ANAPC10: variants seen among roughly 807,000 people sequenced by gnomAD.
ANAPC10 encodes anaphase-promoting complex subunit 10.
A neutral mutation model predicts 22.0 loss-of-function variants in ANAPC10; 12 were observed. The observed-to-expected ratio is 0.55, with a 90% CI of 0.35 to 0.88. The LOEUF (loss-of-function observed/expected upper bound fraction) is 0.88. Among genes scored for constraint, ANAPC10 ranks in the 40% least tolerant of loss-of-function variants. ANAPC10 has a pLI of 0.01. For synonymous variants in ANAPC10, 65 were observed against 69.5 expected (o/e 0.94, Z 0.32); for missense variants, 188 against 220.9 (o/e 0.85, Z 0.94).
At position 145,082,618 on chromosome 4, in the gene ANAPC10, G is replaced by A. The variant is rs138243568; in HGVS notation, c.116-868C>T. 1.5e-3 allele frequency among the ~76,000 whole-genome samples: 227 copies of A among 152,184 alleles called. 1 individual carries two copies. Among genetic ancestry groups the A allele is most frequent in the African/African-American group, 5.1e-3 (212 of 41,528 alleles). On this transcript the variant is annotated intron_variant, in intron 2 of 4. Coordinates refer to ENST00000507656, the MANE Select transcript of ANAPC10 (RefSeq NM_001256706.2). ...AAGATGACTTAAAATATTTTCAAAA[G>A]GCATATATATTCTGAAGCCAAATGC...
Position 145,095,363 on chromosome 4 carries a change from A to T in ANAPC10, c.115+622T>A, listed in dbSNP as rs114454417. ...CTGCTCCATCCCACCCAAGACATAA[A>T]TCATCACTTTGTCCAGCACATCCAC... On this transcript the variant is annotated intron_variant, in intron 2 of 4. Coordinates refer to ENST00000507656, the MANE Select transcript of ANAPC10 (RefSeq NM_001256706.2). 2.9e-3 allele frequency among the ~76,000 whole-genome samples: 447 copies of T among 152,248 alleles called. 2 individuals are homozygous for T. Among genetic ancestry groups the T allele is most frequent in the African/African-American group, 0.01 (418 of 41,528 alleles).
intron 4 of ANAPC10, among the ~76,000 whole-genome samples, chr4:145,022,496 G>C (rs1014320015): frequency 3.3e-5 from 5 of 151,936 alleles, no homozygotes; most frequent in African/African-American, 1.2e-4. Context: ...TGATACAATG[G>C]ACTTTGGGGA....
chr4:145,078,861 T>C (rs983608179), intron 3 of ANAPC10, among the ~76,000 whole-genome samples: 1 of 152,144 alleles, frequency 6.6e-6, no homozygotes. Context: ...CCTTTCACCA[T>C]ATACAAAAAT....
chr4:145,079,406 G>T (rs563865117), intron 3 of ANAPC10, among the ~76,000 whole-genome samples: 44 of 152,162 alleles, frequency 2.9e-4, no homozygotes, highest in Admixed American at 1.4e-3. Context: ...GTGAAAAAAA[G>T]GGAATACTTA....
intron 3 of ANAPC10, among the ~76,000 whole-genome samples, chr4:145,077,448 A>T (rs909334388): frequency 3.3e-5 from 5 of 152,118 alleles, no homozygotes; most frequent in African/African-American, 1.2e-4. Flanking sequence ...AGAGTATATG[A>T]AAGAGCTGGT....
intron 4 of ANAPC10, among the ~76,000 whole-genome samples, chr4:145,055,655 C>CAA (rs35574779): frequency 6.6e-6 from 1 of 151,636 alleles, no homozygotes; most frequent in Non-Finnish European, 1.5e-5. Flanking sequence ...GTAAGCTAGT[C>CAA]AAAAAAGGAC....
intron 4 of ANAPC10, among the ~76,000 whole-genome samples, chr4:145,015,640 G>C (rs975012376): frequency 1.3e-5 from 2 of 152,114 alleles, no homozygotes; most frequent in South Asian, 4.1e-4. Flanking sequence ...ACTGTCATCA[G>C]GTAATGTAAA....
At position 145,036,965 on chromosome 4, in the gene ANAPC10, A is replaced by G. The variant is rs141078468; in HGVS notation, c.327+27607T>C. Among the ~76,000 whole-genome samples the G allele has an allele frequency of 2.5e-3, 372 of 151,008 alleles. 1 individual carries two copies. The highest frequency in any genetic ancestry group is 8.8e-3 in the African/African-American group (362 of 41,076). Reference sequence around the variant, plus strand: ...TTGTGACAGGAACTGAGATACTCATAATGTTCTATTTCTTATACCAAATAG... The same window carrying G: ...TTGTGACAGGAACTGAGATACTCATGATGTTCTATTTCTTATACCAAATAG... On this transcript the variant is annotated intron_variant, in intron 4 of 4. Transcript: ENST00000507656.
At chr4:145,054,600 G>A (rs1162995705) in intron 4 of ANAPC10, among the ~76,000 whole-genome samples, 2 of 122,728 alleles carry the variant, frequency 1.6e-5, no homozygotes, top group Non-Finnish European at 3.3e-5. Context: ...GGGACATACT[G>A]AATAGTGTGT....
intron 2 of ANAPC10, among the ~76,000 whole-genome samples, chr4:145,095,110 T>C (rs958512709): frequency 1.3e-5 from 2 of 151,470 alleles, no homozygotes; most frequent in Non-Finnish European, 2.9e-5. Flanking sequence ...AGATATATGA[T>C]AAAAAAAAAT....
intron 4 of ANAPC10, among the ~76,000 whole-genome samples, chr4:145,039,406 G>A (rs1739154869): frequency 1.3e-5 from 2 of 152,180 alleles, no homozygotes; most frequent in South Asian, 4.1e-4. Flanking sequence ...GAATTATATA[G>A]GAGTGGATGA....
intron 3 of ANAPC10, among the ~76,000 whole-genome samples, chr4:145,077,130 C>T (rs1437649897): frequency 2.6e-5 from 4 of 151,948 alleles, no homozygotes; most frequent in South Asian, 2.1e-4. Flanking sequence ...AACCGGGAGG[C>T]GGAGCTTGCA....
intron 4 of ANAPC10, among the ~76,000 whole-genome samples, chr4:145,026,945 A>ATATATATATATATATATG (rs1287102797): frequency 1.2e-3 from 20 of 17,148 alleles, no homozygotes; most frequent in Non-Finnish European, 2.0e-3. Flanking sequence ...ATATATATAT[A>ATATATATATATATATATG]TGTGTGTGTG....
Position 145,025,553 on chromosome 4 carries a change from G to A in ANAPC10, c.328-29950C>T, listed in dbSNP as rs145400873. Among the ~76,000 whole-genome samples the A allele has an allele frequency of 7.9e-5, 12 of 152,234 alleles. No individual in the cohort carries two copies. The East Asian group carries it at 1.6e-3, about 20-fold the overall frequency. On this transcript the variant is annotated intron_variant, in intron 4 of 4. Coordinates refer to ENST00000507656, the MANE Select transcript of ANAPC10 (RefSeq NM_001256706.2). The stretch of plus-strand genomic sequence containing the variant: ...AGTAGTCAGAACACACACAGTTATC[G>A]ATTGGGTTTGCCATCTTACATGGGC...
intron 2 of ANAPC10, among the ~76,000 whole-genome samples, chr4:145,087,281 C>T (rs1216315594): frequency 6.6e-6 from 1 of 152,168 alleles, no homozygotes; most frequent in Non-Finnish European, 1.5e-5. Context: ...GCTTAGACTG[C>T]CTTTATGAAT....
At chr4:145,031,527 G>C (rs550668628) in intron 4 of ANAPC10, among the ~76,000 whole-genome samples, 28 of 152,332 alleles carry the variant, frequency 1.8e-4, no homozygotes, top group African/African-American at 6.7e-4. Context: ...TTTCTCATTT[G>C]AATGTGTTAC....
chr4:145,092,378 A>G (rs987165174), intron 2 of ANAPC10, among the ~76,000 whole-genome samples: 3 of 152,182 alleles, frequency 2.0e-5, no homozygotes, highest in Non-Finnish European at 4.4e-5. Context: ...AAAGCTGGAT[A>G]AACTACAAAC....
chr4:144,994,758 C>G lies in ANAPC10; in HGVS notation c.*615G>C, dbSNP rs1473285335. On this transcript the variant is annotated 3_prime_UTR_variant, in exon 5 of 5. Transcript: ENST00000507656. ...TATACAGGCAATCTTTACATAATAT[C>G]ATTAGGATACAGACAACCCTAGGGC... 1 of 152,014 alleles carries G rather than the reference C, an allele frequency of 6.6e-6. No individual in the cohort carries two copies. The highest frequency in any genetic ancestry group is 1.5e-5 in the Non-Finnish European group (1 of 67,976). 9.4% of individuals were successfully genotyped at this position (152,014 alleles called of 1,614,324 possible). A position where few individuals can be genotyped will look rare whatever the true frequency, so the allele number is the denominator to read the frequency against.
At chr4:145,002,027 C>A (rs773995614) in intron 4 of ANAPC10, among the ~76,000 whole-genome samples, 5 of 152,172 alleles carry the variant, frequency 3.3e-5, no homozygotes, top group African/African-American at 4.8e-5. Context: ...GGAAAAACTA[C>A]TTGATAGTTG....
Sources: gnomAD v4.1 joint callset for allele counts (sites outside exome capture counted in the v4.1 genomes callset) on GRCh38, gnomAD v4.1.1 for gene constraint, MANE v1.5 for transcripts, NCBI Gene and HGNC (gene_info 2026-07-23, HGNC 2026-07-21) for gene names.